NAV3: variants seen among roughly 807,000 people sequenced by gnomAD.
NAV3 encodes neuron navigator 3.
In NAV3, 87 loss-of-function variants were observed where a neutral mutation model predicts 244.7. The ratio of observed to expected loss-of-function variants is 0.36; its 90% CI spans 0.30 to 0.42. NAV3 has a LOEUF of 0.42. NAV3 is among the 20% of genes least tolerant of loss of function. The pLI, the probability that NAV3 is intolerant of heterozygous loss-of-function variation, is 1.00. For missense variants in NAV3, 2,663 were observed against 2,893.3 expected, an observed-to-expected ratio of 0.92 and a Z score of 1.83; for synonymous variants, 1,126 against 1,042.2, an observed-to-expected ratio of 1.08 and a Z score of -1.55.
At chr12:77,970,732 A>G (rs1187278619) in intron 5 of NAV3, among the ~76,000 whole-genome samples, 2 of 152,102 alleles carry the variant, frequency 1.3e-5, no homozygotes, top group Non-Finnish European at 2.9e-5. Context: ...GTTTGTAAGC[A>G]TATAGAAGAA....
intron 12 of NAV3, among the ~76,000 whole-genome samples, chr12:78,073,495 C>A (rs1952886843): frequency 6.6e-6 from 1 of 152,126 alleles, no homozygotes; most frequent in African/African-American, 2.4e-5. Context: ...CGTGAAGGAC[C>A]TCTTCAAGGA....
At chr12:77,734,019 A>G (rs559789435) in intron 2 of NAV3, among the ~76,000 whole-genome samples, 1 of 152,018 alleles carries the variant, frequency 6.6e-6, no homozygotes, top group Non-Finnish European at 1.5e-5. Context: ...AGGATCAGAG[A>G]GACTTAAGGG....
chr12:77,701,984 T>C (rs1205868751), intron 2 of NAV3, among the ~76,000 whole-genome samples: 1 of 152,068 alleles, frequency 6.6e-6, no homozygotes, highest in African/African-American at 2.4e-5. Context: ...GCATCAGTTG[T>C]CAAATTGGTT....
intron 2 of NAV3, among the ~76,000 whole-genome samples, chr12:77,657,250 C>T (rs1321758156): frequency 6.6e-5 from 10 of 152,030 alleles, no homozygotes; most frequent in South Asian, 2.1e-4. Context: ...ATCAACTAGA[C>T]GCAATAAAAA....
chr12:77,584,388 G>A (rs1869505002), intron 2 of NAV3, among the ~76,000 whole-genome samples: 4 of 151,974 alleles, frequency 2.6e-5, no homozygotes, highest in African/African-American at 9.7e-5. Context: ...GCTAAACACT[G>A]AGCTTGCTCC....
chr12:77,773,552 A>C (rs1355850743), intron 2 of NAV3, among the ~76,000 whole-genome samples: 1 of 152,172 alleles, frequency 6.6e-6, no homozygotes, highest in Non-Finnish European at 1.5e-5. Flanking sequence ...ATGGAATTTA[A>C]AATTTAGTGA....
chr12:77,942,834 A>T (rs1890002765), intron 3 of NAV3, among the ~76,000 whole-genome samples: 1 of 152,216 alleles, frequency 6.6e-6, no homozygotes, highest in South Asian at 2.1e-4. Context: ...GCGTGGATTA[A>T]CACCTGTTAA....
chr12:77,976,657 TC>T (rs1565979296), intron 5 of NAV3, among the ~76,000 whole-genome samples: 11 of 101,378 alleles, frequency 1.1e-4, no homozygotes, highest in Admixed American at 2.3e-4. Context: ...TTTCTTTCTT[TC>T]TTTCTTTCTT....
At chr12:77,724,770 A>G (rs1876801278) in intron 2 of NAV3, among the ~76,000 whole-genome samples, 1 of 152,038 alleles carries the variant, frequency 6.6e-6, no homozygotes. Flanking sequence ...ATAGCATTAT[A>G]TGAAATATTT....
intron 23 of NAV3, among the ~76,000 whole-genome samples, chr12:78,160,480 T>C (rs1957495577): frequency 6.6e-6 from 1 of 151,822 alleles, no homozygotes; most frequent in Non-Finnish European, 1.5e-5. Flanking sequence ...CATCTAATTC[T>C]CAAAGAGACC....
chr12:77,944,875 C>A (rs1395316062), intron 3 of NAV3, among the ~76,000 whole-genome samples: 1 of 152,066 alleles, frequency 6.6e-6, no homozygotes, highest in Non-Finnish European at 1.5e-5. Flanking sequence ...AATACGTGGA[C>A]TACCCCAGCA....
At chr12:77,608,093 C>T (rs1276028543) in intron 2 of NAV3, among the ~76,000 whole-genome samples, 1 of 152,002 alleles carries the variant, frequency 6.6e-6, no homozygotes, top group African/African-American at 2.4e-5. Flanking sequence ...GGGAATAGAA[C>T]CATTTGAAAG....
rs34229711 is a variant in NAV3, at chr12:78,202,229, C to CA, written c.6834+1646dup. Among the ~76,000 whole-genome samples the CA allele has an allele frequency of 2.8e-3, 427 of 151,000 alleles. 2 individuals carry two copies. Among genetic ancestry groups the CA allele is most frequent in the African/African-American group, 9.8e-3 (405 of 41,246 alleles). The stretch of plus-strand genomic sequence containing the variant: ...ATCTTTCAATGTTGATTATTTGTAC[C>CA]AAAAAAAATCATTTTATGAAAATTT... On this transcript the variant is annotated intron_variant, in intron 38 of 39. Coordinates refer to ENST00000397909, the MANE Select transcript of NAV3 (RefSeq NM_001024383.2).
chr12:77,736,411 G>T (rs1001182902), intron 2 of NAV3, among the ~76,000 whole-genome samples: 1 of 152,176 alleles, frequency 6.6e-6, no homozygotes, highest in Non-Finnish European at 1.5e-5. Flanking sequence ...TCAGCTGAAT[G>T]GTTCTTATGT....
intron 2 of NAV3, among the ~76,000 whole-genome samples, chr12:77,644,380 A>G (rs1244272548): frequency 6.6e-6 from 1 of 152,186 alleles, no homozygotes. Flanking sequence ...TTGTCTTCTG[A>G]AAAACCAATA....
chr12:78,185,702 C>G lies in NAV3; in HGVS notation c.5790+4C>G, dbSNP rs747802322. The G allele has an allele frequency of 1.2e-6, 2 of 1,603,212 alleles. No individual in the cohort carries two copies. The highest frequency in any genetic ancestry group is 2.2e-5 in the South Asian group (2 of 90,670). ...CAAGGGCTATGGTCGAGCAAAGGTA[C>G]TTCTTTAATCTTAAACTCTTTATTA... is the stretch of plus-strand genomic sequence containing the variant. On this transcript the variant is annotated splice_donor_region_variant and intron_variant, in intron 31 of 39. Coordinates refer to ENST00000397909, the MANE Select transcript of NAV3 (RefSeq NM_001024383.2).
intron 12 of NAV3, among the ~76,000 whole-genome samples, chr12:78,102,677 G>A (rs1302319712): frequency 6.6e-6 from 1 of 152,210 alleles, no homozygotes; most frequent in Non-Finnish European, 1.5e-5. Context: ...TGGGCATCCA[G>A]GCATTTCCAT....
At chr12:78,016,208 G>T (rs1337548670) in intron 8 of NAV3, among the ~76,000 whole-genome samples, 5 of 151,516 alleles carry the variant, frequency 3.3e-5, no homozygotes, top group Admixed American at 1.3e-4. Context: ...ATTGCTCCTA[G>T]GTTTTCTTGG....
At position 78,059,134 on chromosome 12, in the gene NAV3, A is replaced by C. The variant is rs564338405; in HGVS notation, c.2636+19A>C. On this transcript the variant is annotated intron_variant, in intron 12 of 39. Transcript: ENST00000397909. ...CAGACAGGTAATGCTATCAGCATAT[A>C]TGATGGTGAGACATGCATGAAGTAA... 6.2e-7 allele frequency: 1 copy of C among 1,605,638 alleles called. No homozygotes were observed. Among genetic ancestry groups the C allele is most frequent in the African/African-American group, 1.3e-5 (1 of 74,670 alleles).
Sources: gnomAD v4.1 joint callset for allele counts (sites outside exome capture counted in the v4.1 genomes callset) on GRCh38, gnomAD v4.1.1 for gene constraint, MANE v1.5 for transcripts, NCBI Gene and HGNC (gene_info 2026-07-23, HGNC 2026-07-21) for gene names.